Variants in SLC16A12 observed in about 807,000 individuals in gnomAD.
SLC16A12 encodes monocarboxylate transporter 12.
SLC16A12 carries 17 observed loss-of-function variants against 42.4 expected under a neutral mutation model. The observed-to-expected ratio is 0.40, with a 90% CI of 0.27 to 0.60. The LOEUF is 0.60. Ranked by LOEUF, SLC16A12 falls within the 20% of genes least tolerant of loss-of-function variation. SLC16A12 has a pLI of 0.42. For missense variants in SLC16A12, 544 were observed against 623.0 expected, an observed-to-expected ratio of 0.87 and a Z score of 1.35; for synonymous variants, 224 against 229.4, an observed-to-expected ratio of 0.98 and a Z score of 0.21.
At chr10:89,539,881 C>CTTTCTTTCTTTCTTTA (rs965365785), upstream of SLC16A12, among the ~76,000 whole-genome samples, 226 of 144,096 alleles carry the variant, frequency 1.6e-3, 1 homozygote, top group Non-Finnish European at 2.6e-3. Flanking sequence ...TTCTTTCTTT[C>CTTTCTTTCTTTCTTTA]TTTCTTTCTT....
At chr10:89,518,944 T>C (rs1460529990) in intron 2 of SLC16A12, among the ~76,000 whole-genome samples, 2 of 152,154 alleles carry the variant, frequency 1.3e-5, no homozygotes, top group African/African-American at 4.8e-5. Flanking sequence ...ATACTCAATA[T>C]ATATTATATA....
intron 2 of SLC16A12, among the ~76,000 whole-genome samples, chr10:89,476,364 G>A (rs1290014450): frequency 6.6e-6 from 1 of 152,210 alleles, no homozygotes; most frequent in Non-Finnish European, 1.5e-5. Flanking sequence ...GAGGGGCAAT[G>A]AGTCCATTAT....
chr10:89,445,564 A>G (rs1841987398), intron 3 of SLC16A12, among the ~76,000 whole-genome samples: 1 of 152,262 alleles, frequency 6.6e-6, no homozygotes, highest in African/African-American at 2.4e-5. Context: ...ATCAACGTCA[A>G]CAAAAAGGAC....
rs201296531 is a variant in SLC16A12 at position 89,523,642 on chromosome 10, C to CATT, written c.-47+10858_-47+10859insAAT. The stretch of plus-strand genomic sequence containing the variant: ...ACTCATTATATGTTGTGTCATCATT[C>CATT]CTTCATTCATTCATTCATTCAACAA... On this transcript the variant is annotated intron_variant, in intron 2 of 7. Coordinates refer to ENST00000371790, the MANE Select transcript of SLC16A12 (RefSeq NM_213606.4). 8.2e-3 allele frequency among the ~76,000 whole-genome samples: 1,222 copies of CATT among 148,798 alleles called. 80 individuals carry two copies. In the East Asian group the frequency reaches 0.16, roughly 19 times the overall value.
intron 3 of SLC16A12, among the ~76,000 whole-genome samples, chr10:89,453,346 C>G (rs1417080446): frequency 1.3e-5 from 2 of 152,142 alleles, no homozygotes; most frequent in Non-Finnish European, 2.9e-5. Context: ...TTTCTCCTAA[C>G]CACTAGGACT....
At chr10:89,494,197 A>G (rs1842888845) in intron 2 of SLC16A12, among the ~76,000 whole-genome samples, 1 of 152,240 alleles carries the variant, frequency 6.6e-6, no homozygotes. Context: ...TCCAGCATCA[A>G]AAAGGACACG....
At chr10:89,546,213 C>CT (rs1843742085) in intron 2 of SLC16A12, among the ~76,000 whole-genome samples, 1 of 152,124 alleles carries the variant, frequency 6.6e-6, no homozygotes, top group African/African-American at 2.4e-5. Context: ...AACTAAAGAG[C>CT]TTCTGCACAG....
At chr10:89,516,108 G>A (rs1843246577) in intron 2 of SLC16A12, among the ~76,000 whole-genome samples, 1 of 152,188 alleles carries the variant, frequency 6.6e-6, no homozygotes, top group Admixed American at 6.5e-5. Flanking sequence ...ACACACCGGT[G>A]TGTCCGACTC....
chr10:89,535,060 T>C (rs1049120821), intron 1 of SLC16A12, among the ~76,000 whole-genome samples: 4 of 151,576 alleles, frequency 2.6e-5, no homozygotes, highest in African/African-American at 9.7e-5. Flanking sequence ...GGGAAATAAA[T>C]ATTATTGTCT....
chr10:89,502,950 C>G (rs78001640), intron 2 of SLC16A12, among the ~76,000 whole-genome samples: 1 of 152,108 alleles, frequency 6.6e-6, no homozygotes, highest in Admixed American at 6.5e-5. Flanking sequence ...GAAACATGTG[C>G]GCTATCTACA....
intron 3 of SLC16A12, among the ~76,000 whole-genome samples, chr10:89,444,758 C>A (rs1174405180): frequency 1.3e-5 from 2 of 152,192 alleles, no homozygotes. Context: ...ACTCGTTGGA[C>A]AGTGGGTGTA....
chr10:89,481,477 C>G (rs1325884844), intron 2 of SLC16A12, among the ~76,000 whole-genome samples: 1 of 152,002 alleles, frequency 6.6e-6, no homozygotes, highest in Non-Finnish European at 1.5e-5. Context: ...CCACTAATAC[C>G]TGAGAGTTTT....
intron 2 of SLC16A12, among the ~76,000 whole-genome samples, chr10:89,470,742 T>C (rs554610323): frequency 6.6e-6 from 1 of 152,270 alleles, no homozygotes; most frequent in East Asian, 1.9e-4. Context: ...AAGTACACAA[T>C]GAGGACAGAA....
chr10:89,513,507 T>C (rs889637129), intron 2 of SLC16A12, among the ~76,000 whole-genome samples: 1 of 152,220 alleles, frequency 6.6e-6, no homozygotes, highest in Non-Finnish European at 1.5e-5. Flanking sequence ...AATATCATAT[T>C]TCCTCACCAT....
At position 89,446,944 on chromosome 10, in the gene SLC16A12, G is replaced by T. The variant is rs191664355; in HGVS notation, c.201-3085C>A. ...CAAGCAAATGGAAAGCAAAAAAAAA[G>T]CAGGGGTTGCAATCCTAGTCTCTGA... On this transcript the variant is annotated intron_variant, in intron 3 of 7. Transcript: ENST00000371790. 3.1e-3 allele frequency among the ~76,000 whole-genome samples: 468 copies of T among 152,062 alleles called. 5 individuals carry two copies. Among genetic ancestry groups the T allele is most frequent in the African/African-American group, 0.01 (416 of 41,476 alleles).
chr10:89,437,447 A>T (rs1190231363), intron 6 of SLC16A12, among the ~76,000 whole-genome samples: 1 of 152,060 alleles, frequency 6.6e-6, no homozygotes, highest in Non-Finnish European at 1.5e-5. Context: ...ACAGATAGAG[A>T]TCATTGTGGA....
intron 2 of SLC16A12, among the ~76,000 whole-genome samples, chr10:89,541,297 C>G (rs557428931): frequency 6.6e-6 from 1 of 152,162 alleles, no homozygotes; most frequent in East Asian, 1.9e-4. Flanking sequence ...CAGTACTATT[C>G]AAAAAACATG....
At chr10:89,471,320 T>C (rs1326872937) in intron 2 of SLC16A12, among the ~76,000 whole-genome samples, 1 of 152,202 alleles carries the variant, frequency 6.6e-6, no homozygotes, top group East Asian at 1.9e-4. Flanking sequence ...ATAAATTAGT[T>C]GTCAATATAG....
chr10:89,546,021 A>G (rs936933142), intron 2 of SLC16A12, among the ~76,000 whole-genome samples: 1 of 152,220 alleles, frequency 6.6e-6, no homozygotes, highest in African/African-American at 2.4e-5. Context: ...CGTTCCTTAC[A>G]TCTTATACAA....
Sources: gnomAD v4.1 joint callset for allele counts (sites outside exome capture counted in the v4.1 genomes callset) on GRCh38, gnomAD v4.1.1 for gene constraint, MANE v1.5 for transcripts, NCBI Gene and HGNC (gene_info 2026-07-23, HGNC 2026-07-21) for gene names.